The following KATNA1 variants were observed in gnomAD, a reference collection of about 807,000 sequenced individuals.
KATNA1 encodes katanin p60 ATPase-containing subunit A1.
KATNA1 carries 42 observed loss-of-function variants against 62.6 expected under a neutral mutation model. That is an observed-to-expected ratio of 0.67 (90% CI 0.52 to 0.87). The LOEUF is 0.87. KATNA1 is among the 40% of genes least tolerant of loss of function. The pLI is 0.00. For synonymous variants in KATNA1, 186 were observed against 201.9 expected, an observed-to-expected ratio of 0.92 and a Z score of 0.67; for missense variants, 498 against 612.5, an observed-to-expected ratio of 0.81 and a Z score of 1.97.
chr6:149,600,428 T>C (rs949253095), intron 7 of KATNA1, among the ~76,000 whole-genome samples: 4 of 151,310 alleles, frequency 2.6e-5, no homozygotes, highest in Non-Finnish European at 5.9e-5. Context: ...AGGTCAGGAG[T>C]TCAAGACCAG....
chr6:149,603,367 A>G lies in KATNA1; in HGVS notation c.630T>C (p.Asp210=). The change falls in exon 6 of 11, where the codon GAT becomes GAC. Residue 210 remains aspartate, a synonymous_variant. Transcript: ENST00000367411. ...ISQNPNVRWD[D]IADLVEAKKL... is the part of the protein sequence containing the mutation. ...TTTTAGCTTCTACTAAATCAGCGAT[A>G]TCATCCCTGAAAGAGAAGACATTTT... 6.6e-7 allele frequency: 1 copy of G among 1,523,504 alleles called. No homozygotes were observed. The highest frequency in any genetic ancestry group is 9.1e-7 in the Non-Finnish European group (1 of 1,102,042). 94.4% of individuals were successfully genotyped at this position (1,523,504 alleles called of 1,614,324 possible).
intron 4 of KATNA1, among the ~76,000 whole-genome samples, chr6:149,616,698 G>A (rs1779180639): frequency 6.6e-6 from 1 of 152,066 alleles, no homozygotes; most frequent in Non-Finnish European, 1.5e-5. Flanking sequence ...AGGGTGCGGT[G>A]AGCCAAGATC....
At chr6:149,609,419 G>A (rs1036939099) in intron 4 of KATNA1, among the ~76,000 whole-genome samples, 18 of 152,006 alleles carry the variant, frequency 1.2e-4, no homozygotes, top group Non-Finnish European at 2.9e-5. Flanking sequence ...CAGGTGTGGT[G>A]GCCCACGCCT....
intron 4 of KATNA1, among the ~76,000 whole-genome samples, chr6:149,607,795 G>C (rs1778798706): frequency 6.6e-6 from 1 of 152,160 alleles, no homozygotes; most frequent in Non-Finnish European, 1.5e-5. Flanking sequence ...GCTGGGCTCA[G>C]TGGCTCACGC....
At chr6:149,613,799 A>C (rs1302654395) in intron 4 of KATNA1, among the ~76,000 whole-genome samples, 1 of 152,214 alleles carries the variant, frequency 6.6e-6, no homozygotes, top group Non-Finnish European at 1.5e-5. Flanking sequence ...CAAGGTGTTG[A>C]AACTCAGTAG....
In KATNA1 at chr6:149,596,520, G is replaced by A. The variant is rs182441093; in HGVS notation, c.1277+543C>T. On this transcript the variant is annotated intron_variant, in intron 10 of 10. Transcript: ENST00000367411. ...ACTGCACTTCAGCCTGGGTGACAGA[G>A]CGAGACTCCGTCTCAAAAAACAAAA... 3.6e-3 allele frequency among the ~76,000 whole-genome samples: 546 copies of A among 152,166 alleles called. 3 individuals are homozygous for A. The highest frequency in any genetic ancestry group is 0.013 in the African/African-American group (522 of 41,536).
upstream of KATNA1, chr6:149,648,772 G>A (rs1269273961): frequency 1.3e-5 from 2 of 152,388 alleles, no homozygotes; most frequent in East Asian, 1.9e-4. Flanking sequence ...GGCGGAAGAG[G>A]GTGTGGCCGG....
intron 6 of KATNA1, 33 bp downstream of exon 6, chr6:149,603,235 A>C: frequency 1.1e-6 from 1 of 888,900 alleles, no homozygotes; most frequent in South Asian, 1.5e-5. Context: ...GCTGCCATTT[A>C]CTTTGACAAT....
chr6:149,606,902 G>A (rs994535462), intron 4 of KATNA1, among the ~76,000 whole-genome samples: 13 of 152,158 alleles, frequency 8.5e-5, no homozygotes, highest in Admixed American at 6.5e-4. Context: ...TTACAGGGGT[G>A]AGCCACCACA....
chr6:149,613,241 C>T (rs1386998110), intron 4 of KATNA1, among the ~76,000 whole-genome samples: 2 of 136,576 alleles, frequency 1.5e-5, no homozygotes, highest in African/African-American at 5.5e-5. Flanking sequence ...AACACCTCAC[C>T]TACAGCTAAC....
intron 4 of KATNA1, among the ~76,000 whole-genome samples, chr6:149,612,791 A>G (rs988498103): frequency 1.3e-5 from 2 of 152,168 alleles, no homozygotes; most frequent in African/African-American, 4.8e-5. Flanking sequence ...GGGACATAAG[A>G]CTAGTTCAAT....
intron 3 of KATNA1, among the ~76,000 whole-genome samples, chr6:149,626,987 AAAT>A (rs1233072822): frequency 6.6e-6 from 1 of 151,840 alleles, no homozygotes; most frequent in African/African-American, 2.4e-5. Context: ...CCATCTTAAA[AAAT>A]AATAATAATA....
intron 4 of KATNA1, among the ~76,000 whole-genome samples, chr6:149,612,120 A>C (rs772189010): frequency 2.0e-5 from 3 of 152,230 alleles, no homozygotes; most frequent in Non-Finnish European, 4.4e-5. Context: ...TAATAAAAGA[A>C]GATAATCTGA....
At position 149,632,805 on chromosome 6, in the gene KATNA1, C is replaced by T. The variant is rs1193684132; in HGVS notation, c.274G>A (p.Ala92Thr). 3 of 1,613,774 alleles carry T rather than the reference C, an allele frequency of 1.9e-6. No homozygotes were observed. In the South Asian group the frequency reaches 3.3e-5, roughly 18 times the overall value. The part of the protein sequence containing the change: ...PLKAAQHDLP[A>T]SEGEVWSMPV... Reference sequence around the variant, plus strand: ...ATGGACCAGACTTCTCCCTCAGAAGCTGGAAGGTCATGCTGTGCCGCTTTC... The same window carrying T: ...ATGGACCAGACTTCTCCCTCAGAAGTTGGAAGGTCATGCTGTGCCGCTTTC... Residue 92 changes from alanine (A) to threonine (T), a missense_variant, in exon 3 of 11, where the codon GCT becomes ACT. Ala to Thr is a moderately conservative substitution (Grantham distance 58, BLOSUM62 0). Transcript: ENST00000367411.
At chr6:149,635,190 T>C (rs78648206) in intron 2 of KATNA1, among the ~76,000 whole-genome samples, 3,022 of 152,196 alleles carry the variant, frequency 0.02, 99 homozygotes, top group African/African-American at 0.07. Context: ...GGTGGGAGGA[T>C]TGCTTGAGCC....
Position 149,632,857 on chromosome 6 carries a change from C to T in KATNA1, c.222G>A (p.Glu74=). The change falls in exon 3 of 11, where the codon GAG becomes GAA. Residue 74 remains glutamate (E), a synonymous_variant. Transcript: ENST00000367411. The part of the protein sequence containing the change: ...KHVKDIMKTL[E]SFKLDSTPLK... ...AGGGAGTGCTGTCCAGTTTAAAGCT[C>T]TCTAGTGTTTTCATGATATCTTTAA... The T allele has an allele frequency of 6.2e-7, 1 of 1,612,942 alleles. No homozygotes were observed. Among genetic ancestry groups the T allele is most frequent in the Non-Finnish European group, 8.5e-7 (1 of 1,179,578 alleles).
intron 2 of KATNA1, among the ~76,000 whole-genome samples, 164 bp downstream of exon 2, chr6:149,638,222 C>T (rs1438727577): frequency 6.6e-6 from 1 of 152,226 alleles, no homozygotes; most frequent in Non-Finnish European, 1.5e-5. Context: ...GATCCTTCTG[C>T]TTTGGCTTTC....
At chr6:149,631,660 C>T (rs1382182744) in intron 3 of KATNA1, 3 of 151,532 alleles carry the variant, frequency 2.0e-5, no homozygotes, top group East Asian at 1.9e-4. Context: ...GCAAGGTTAA[C>T]GGGCAATGAA....
Position 149,603,211 on chromosome 6 carries a change from C to G in KATNA1, c.729+57G>C, listed in dbSNP as rs368278424. The G allele has an allele frequency of 1.7e-3, 1,214 of 712,160 alleles. 10 individuals carry two copies. The African/African-American group carries it at 0.019, about 11-fold the overall frequency. 44.1% of individuals were successfully genotyped at this position (712,160 alleles called of 1,614,324 possible). A position where few individuals can be genotyped will look rare whatever the true frequency, so the allele number is the denominator to read the frequency against. ...TTCCCAATATAGATAAATATTGGCT[C>G]TCTGTATCAACATGCTGCCATTTAC... On this transcript the variant is annotated intron_variant, in intron 6 of 10. Coordinates refer to ENST00000367411, the MANE Select transcript of KATNA1 (RefSeq NM_007044.4).
Sources: allele counts gnomAD v4.1 joint callset (sites outside exome capture counted in the v4.1 genomes callset), GRCh38; gene constraint gnomAD v4.1.1; transcripts MANE v1.5; gene names NCBI Gene and HGNC (gene_info 2026-07-23, HGNC 2026-07-21).